Variants in LRCH2 observed in about 807,000 individuals in gnomAD.
The protein encoded by LRCH2 is leucine-rich repeat and calponin homology domain-containing protein 2.
LRCH2 carries 38 observed loss-of-function variants against 68.9 expected under a neutral mutation model. The ratio of observed to expected loss-of-function variants is 0.55; its 90% CI spans 0.43 to 0.72. The LOEUF (loss-of-function observed/expected upper bound fraction) is 0.72, where lower values mean the gene tolerates loss of function less well. Ranked by LOEUF, LRCH2 falls within the 30% of genes least tolerant of loss-of-function variation. The pLI is 0.00. For synonymous variants in LRCH2, 191 were observed against 208.1 expected (o/e 0.92, Z 0.71); for missense variants, 528 against 572.9 (o/e 0.92, Z 0.80).
intron 1 of LRCH2, among the ~76,000 whole-genome samples, chrX:115,217,343 A>G (rs1173477083): frequency 9.0e-6 from 1 of 110,876 alleles, no homozygotes; most frequent in Non-Finnish European, 1.9e-5. Context: ...CCCATCATCT[A>G]CATTAGGTAT....
chrX:115,151,648 A>G (rs1447944041), intron 12 of LRCH2, among the ~76,000 whole-genome samples: 1 of 111,849 alleles, frequency 8.9e-6, no homozygotes. Flanking sequence ...CTAGTGGCCA[A>G]GATAGGCTAA....
At chrX:115,132,057 GT>G (rs1232479529) in intron 14 of LRCH2, among the ~76,000 whole-genome samples, 1 of 111,571 alleles carries the variant, frequency 9.0e-6, no homozygotes, top group African/African-American at 3.3e-5. Context: ...TCTGACGGTA[GT>G]TTTTTTGGCT....
At chrX:115,183,063 C>T (rs781784806) in intron 3 of LRCH2, among the ~76,000 whole-genome samples, 6 of 108,483 alleles carry the variant, frequency 5.5e-5, no homozygotes, top group South Asian at 7.9e-4. Context: ...TGCACACGCA[C>T]GCACACGCAC....
intron 5 of LRCH2, among the ~76,000 whole-genome samples, chrX:115,171,036 T>C (rs2072601037): frequency 1.8e-5 from 2 of 111,584 alleles, no homozygotes; most frequent in African/African-American, 6.5e-5. Flanking sequence ...AGGAATAAAA[T>C]ACTATGTGAG....
intron 12 of LRCH2, among the ~76,000 whole-genome samples, chrX:115,155,663 G>C (rs373643596): frequency 2.6e-4 from 29 of 111,807 alleles, no homozygotes; most frequent in Middle Eastern, 4.7e-3. Context: ...GCTAATCACC[G>C]TCATAAGCAA....
At chrX:115,157,902 G>A (rs959049286) in intron 11 of LRCH2, among the ~76,000 whole-genome samples, 18 of 109,346 alleles carry the variant, frequency 1.6e-4, no homozygotes, top group African/African-American at 5.7e-4. Flanking sequence ...TTGTGATTAC[G>A]GTTGTGTATG....
intron 16 of LRCH2, 101 bp downstream of exon 16, chrX:115,126,742 A>T (rs1556528226): frequency 1.7e-6 from 1 of 600,523 alleles, no homozygotes; most frequent in Non-Finnish European, 2.5e-6. Flanking sequence ...TTATATTGCA[A>T]AAAAAATCAG....
chrX:115,147,330 G>A (rs2072393935), intron 14 of LRCH2, among the ~76,000 whole-genome samples: 1 of 110,975 alleles, frequency 9.0e-6, no homozygotes, highest in Non-Finnish European at 1.9e-5. Flanking sequence ...TTTAATTTAG[G>A]AAACTGTATG....
rs782471914 is a variant in LRCH2, at chrX:115,165,666, A to G, written c.1199-11T>C. 42 of 1,060,702 alleles carry G rather than the reference A, an allele frequency of 4.0e-5. No homozygotes were observed. Among genetic ancestry groups the G allele is most frequent in the Non-Finnish European group, 4.7e-5 (37 of 786,047 alleles). 87.4% of individuals were successfully genotyped at this position (1,060,702 alleles called of 1,213,427 possible). ...CATATACCTCCTGGTCTAGGTACAGATTAATATTTATTAGAAAATGTACAT... is the reference window on the plus strand; with the variant it reads ...CATATACCTCCTGGTCTAGGTACAGGTTAATATTTATTAGAAAATGTACAT... On this transcript the variant is annotated splice_polypyrimidine_tract_variant and intron_variant, in intron 8 of 20. Transcript: ENST00000317135.
intron 15 of LRCH2, among the ~76,000 whole-genome samples, chrX:115,129,862 A>G (rs1304743364): frequency 1.8e-5 from 2 of 111,497 alleles, no homozygotes; most frequent in African/African-American, 6.5e-5. Flanking sequence ...GCTGATTTAG[A>G]AAGATAAAAG....
intron 1 of LRCH2, chrX:115,190,356 G>A: frequency 8.6e-7 from 1 of 1,161,901 alleles, no homozygotes; most frequent in Non-Finnish European, 1.1e-6. Context: ...AGCCCCTCAA[G>A]AGCTACGGAG....
chrX:115,114,905 T>G (rs971946257), intron 20 of LRCH2, among the ~76,000 whole-genome samples: 2 of 110,523 alleles, frequency 1.8e-5, no homozygotes, highest in East Asian at 5.6e-4. Context: ...TCTATTTCTA[T>G]GAAGTAGCAA....
chrX:115,136,620 G>T (rs1300003337), intron 14 of LRCH2, among the ~76,000 whole-genome samples: 2 of 111,146 alleles, frequency 1.8e-5, no homozygotes, highest in Non-Finnish European at 1.9e-5. Flanking sequence ...AGATAAAAGG[G>T]CTAATGGGCA....
rs183051975 is a variant in LRCH2, at chrX:115,230,557, A to C, written c.349+3136T>G. Among the ~76,000 whole-genome samples, 15 of 111,462 alleles carry C rather than the reference A, an allele frequency of 1.3e-4. No homozygotes were observed. The East Asian group carries it at 4.3e-3, about 32-fold the overall frequency. On this transcript the variant is annotated intron_variant, in intron 1 of 20. Transcript: ENST00000317135. ...TAGAAATGCAGAGAGAGGTAAAAAGACACCAAAGATAAACTCTGCAAACAG... is the reference window on the plus strand; with the variant it reads ...TAGAAATGCAGAGAGAGGTAAAAAGCCACCAAAGATAAACTCTGCAAACAG...
chrX:115,132,470 A>G (rs2072254611), intron 14 of LRCH2, among the ~76,000 whole-genome samples: 2 of 111,893 alleles, frequency 1.8e-5, no homozygotes, highest in South Asian at 7.5e-4. Context: ...ACGCAGCATT[A>G]TCTTCCATAA....
At chrX:115,142,854 C>T (rs1360152475) in intron 14 of LRCH2, among the ~76,000 whole-genome samples, 5 of 111,803 alleles carry the variant, frequency 4.5e-5, no homozygotes, top group African/African-American at 1.3e-4. Flanking sequence ...AATCCCAACA[C>T]TTTGGGAGCG....
At chrX:115,222,414 T>C (rs973917202) in intron 1 of LRCH2, among the ~76,000 whole-genome samples, 5 of 111,739 alleles carry the variant, frequency 4.5e-5, no homozygotes, top group Non-Finnish European at 7.5e-5. Flanking sequence ...ACGGGGACAA[T>C]TAGGCAAGAA....
intron 5 of LRCH2, among the ~76,000 whole-genome samples, chrX:115,173,819 C>T (rs1556548676): frequency 9.0e-6 from 1 of 111,614 alleles, no homozygotes; most frequent in African/African-American, 3.3e-5. Context: ...CCTCTTCAGC[C>T]CTGTTCAATG....
At chrX:115,153,938 A>G (rs2072453160) in intron 12 of LRCH2, among the ~76,000 whole-genome samples, 1 of 112,072 alleles carries the variant, frequency 8.9e-6, no homozygotes. Flanking sequence ...GATTTTTAAC[A>G]TTGCAATTAG....
Sources: gnomAD v4.1 joint callset for allele counts (sites outside exome capture counted in the v4.1 genomes callset) on GRCh38, gnomAD v4.1.1 for gene constraint, MANE v1.5 for transcripts, NCBI Gene and HGNC (gene_info 2026-07-23, HGNC 2026-07-21) for gene names.